The following VPS51 variants were observed in gnomAD, a reference collection of about 807,000 sequenced individuals.
VPS51 encodes the protein VPS51 subunit of GARP complex.
Under a neutral mutation model 65.1 loss-of-function variants are expected in VPS51, and 55 were observed. The observed-to-expected ratio is 0.84, with a 90% confidence interval of 0.68 to 1.06. The LOEUF (loss-of-function observed/expected upper bound fraction) is 1.06, where lower values mean the gene tolerates loss of function less well. Ranked by LOEUF, VPS51 falls within the 50% of genes least tolerant of loss-of-function variation. VPS51 has a pLI of 0.00. For missense variants in VPS51, 943 were observed against 1,101.6 expected, an observed-to-expected ratio of 0.86 and a Z score of 2.04; for synonymous variants, 473 against 489.5, an observed-to-expected ratio of 0.97 and a Z score of 0.44.
chr11:65,111,697 T>G lies in VPS51; in HGVS notation c.*110T>G. 3 of 1,418,592 alleles carry G rather than the reference T, an allele frequency of 2.1e-6. No homozygotes were observed. The highest frequency in any genetic ancestry group is 1.9e-6 in the Non-Finnish European group (2 of 1,078,032). The allele number at this position is 1,418,592 out of a possible 1,614,324, so 87.9% of individuals were successfully genotyped here. A position where few individuals can be genotyped will look rare whatever the true frequency, so the allele number is the denominator to read the frequency against. On this transcript the variant is annotated 3_prime_UTR_variant, in exon 10 of 10. Transcript: ENST00000279281. ...TGTCAGGACCGGCCTAATAAACATG[T>G]GTGGCCTCCTCCTCTCGCTTGCTGG... is the stretch of plus-strand genomic sequence containing the variant.
At chr11:65,096,512 AGG>A in intron 1 of VPS51, 34 bp downstream of exon 1, 1 of 440,866 alleles carries the variant, frequency 2.3e-6, no homozygotes, top group Non-Finnish European at 3.9e-6. Flanking sequence ...GGGTGCGGGG[AGG>A]GGGGAAGGGA....
At chr11:65,105,907 G>T (rs190225717) in intron 2 of VPS51, among the ~76,000 whole-genome samples, 8 of 152,230 alleles carry the variant, frequency 5.3e-5, no homozygotes, top group Non-Finnish European at 1.2e-4. Flanking sequence ...TGCATAGGGC[G>T]AGGTGTAGGA....
chr11:65,096,518 G>GGGGTGGGGGGGGGGGGGGGGGGGGGGC, intron 1 of VPS51, 40 bp downstream of exon 1: 2 of 499,402 alleles, frequency 4.0e-6, no homozygotes, highest in Non-Finnish European at 7.3e-6. Context: ...GGGGAGGGGG[G>GGGGTGGGGGGGGGGGGGGGGGGGGGGC]AAGGGAACCA....
intron 1 of VPS51, 44 bp from the exon 2 acceptor site, chr11:65,096,954 A>G (rs750588629): frequency 3.1e-6 from 5 of 1,609,420 alleles, no homozygotes; most frequent in African/African-American, 1.3e-5. Flanking sequence ...GCTGGGGGAC[A>G]TGAATGCCTC....
At chr11:65,109,088 A>T in intron 5 of VPS51, 174 bp downstream of exon 5, 3 of 1,028,538 alleles carry the variant, frequency 2.9e-6, no homozygotes, top group Non-Finnish European at 4.3e-6. Context: ...GCTGAGAAGC[A>T]GGGCATGGTG....
intron 2 of VPS51, among the ~76,000 whole-genome samples, chr11:65,100,457 T>C (rs1235136345): frequency 6.6e-6 from 1 of 151,072 alleles, no homozygotes; most frequent in Admixed American, 6.6e-5. Context: ...ATTTTACTCC[T>C]AGGAATATAC....
rs779929052 is a variant in VPS51, at chr11:65,109,924, GTGC to G, written c.1878+5_1878+7del. 1 of 1,593,530 alleles carries G rather than the reference GTGC, an allele frequency of 6.3e-7. No individual in the cohort carries two copies. The highest frequency in any genetic ancestry group is 8.5e-7 in the Non-Finnish European group (1 of 1,173,534). On this transcript the variant is annotated splice_donor_variant and splice_donor_region_variant and intron_variant, in intron 7 of 9. Coordinates refer to ENST00000279281, the MANE Select transcript of VPS51 (RefSeq NM_013265.4). LOFTEE classifies it high-confidence loss of function. ...GGATACCACCGCCATCGACGTGCAG[GTGC>G]TGCCCAGGCTGGCCGGGGTAGCCCT... is the stretch of plus-strand genomic sequence containing the variant.
chr11:65,104,866 A>G (rs1463256517), intron 2 of VPS51, among the ~76,000 whole-genome samples: 1 of 152,210 alleles, frequency 6.6e-6, no homozygotes, highest in Admixed American at 6.6e-5. Flanking sequence ...TCTGGGCCAG[A>G]TGCCTTTGTG....
At chr11:65,110,898 C>A (rs1407847233) in intron 9 of VPS51, 117 bp downstream of exon 9, 1 of 1,240,252 alleles carries the variant, frequency 8.1e-7, no homozygotes, top group East Asian at 2.3e-5. Flanking sequence ...TGACCCTGAC[C>A]CTCCAGTCTC....
intron 2 of VPS51, among the ~76,000 whole-genome samples, chr11:65,098,250 T>G (rs1345638266): frequency 6.6e-6 from 1 of 152,192 alleles, no homozygotes; most frequent in Non-Finnish European, 1.5e-5. Context: ...TTTCTCTTAT[T>G]ATTGATAGCT....
At position 65,109,841 on chromosome 11, in the gene VPS51, A is replaced by G. The variant is rs534032173; in HGVS notation, c.1796A>G (p.Asp599Gly). The change falls in exon 7 of 10, where the codon GAC (aspartate) becomes GGC (glycine). Residue 599 changes from aspartate to glycine, a missense_variant. Physicochemically the swap from Asp to Gly is moderately conservative, Grantham distance 94 (BLOSUM62 -1). Around this residue, in one of 2 missense-constraint regions of VPS51, gnomAD observed 855 missense variants for 953.7 expected, o/e 0.90. Coordinates refer to ENST00000279281, the MANE Select transcript of VPS51 (RefSeq NM_013265.4). ...QMLRKSVETR[D>G]WLSTLEPRNV... ...CTGCGCAAGAGCGTGGAGACTCGCG[A>G]CTGGCTCAGCACTCTGGAGCCCCGG... is the stretch of plus-strand genomic sequence containing the variant. 6.2e-7 allele frequency: 1 copy of G among 1,612,060 alleles called. No homozygotes were observed. Among genetic ancestry groups the G allele is most frequent in the East Asian group, 2.2e-5 (1 of 44,828 alleles).
Position 65,100,045 on chromosome 11 carries a change from G to T in VPS51, c.358+2918G>T, listed in dbSNP as rs188511839. On this transcript the variant is annotated intron_variant, in intron 2 of 9. Transcript: ENST00000279281. ...TTGAACCCAGGAGGCGGAGGTTGCA[G>T]TGAGTCGAGATCGCGCCACTGCACT... 7.6e-4 allele frequency among the ~76,000 whole-genome samples: 116 copies of T among 152,296 alleles called. 1 individual carries two copies. The highest frequency in any genetic ancestry group is 3.4e-3 in the Middle Eastern group (1 of 294).
chr11:65,096,794 T>C (rs992875251), intron 1 of VPS51: 31 of 789,162 alleles, frequency 3.9e-5, no homozygotes, highest in Middle Eastern at 3.7e-4. Context: ...TTTCAAATGC[T>C]GACAAACACC....
In VPS51 at chr11:65,107,555, C is replaced by T; in HGVS notation, c.359-26C>T. 1 of 1,560,834 alleles carries T rather than the reference C, an allele frequency of 6.4e-7. No homozygotes were observed. The highest frequency in any genetic ancestry group is 8.7e-7 in the Non-Finnish European group (1 of 1,145,910). On this transcript the variant is annotated intron_variant, in intron 2 of 9. Coordinates refer to ENST00000279281, the MANE Select transcript of VPS51 (RefSeq NM_013265.4). The surrounding 1 kb of genome is among the most constrained non-coding windows in gnomAD (Gnocchi z 4.0). ...CCCGCCCTGCAGTCACCTGCTCTCC[C>T]CTTTTCCCCGCCCCTGCCCTCCTAG...
At chr11:65,098,191 T>C (rs778246102) in intron 2 of VPS51, among the ~76,000 whole-genome samples, 7 of 151,686 alleles carry the variant, frequency 4.6e-5, no homozygotes, top group Middle Eastern at 6.3e-3. Context: ...AAAAAAAAAA[T>C]AATAAGAAGA....
intron 5 of VPS51, 128 bp downstream of exon 5, chr11:65,109,042 T>G: frequency 8.2e-7 from 1 of 1,225,534 alleles, no homozygotes; most frequent in Non-Finnish European, 1.2e-6. Flanking sequence ...ATGCACGGTC[T>G]GGGGGGTGGG....
intron 2 of VPS51, among the ~76,000 whole-genome samples, chr11:65,101,435 G>A (rs1197426420): frequency 6.6e-6 from 1 of 152,042 alleles, no homozygotes; most frequent in African/African-American, 2.4e-5. Flanking sequence ...TTTTCTCTAG[G>A]CAAAGACAAA....
Position 65,109,750 on chromosome 11 carries a change from A to C in VPS51, c.1705A>C (p.Arg569=), listed in dbSNP as rs1947876448. The C allele has an allele frequency of 1.3e-6, 2 of 1,595,686 alleles. No homozygotes were observed. The highest frequency in any genetic ancestry group is 2.7e-5 in the African/African-American group (2 of 74,774). Residue 569 remains arginine, a synonymous_variant, in exon 7 of 10, where the codon AGG becomes CGG. Transcript: ENST00000279281. ...CGTGAGCACGCTGTGTGCAGAGGCCAGGGAAACGGCGCGGCGGCTGCTGAC... is the reference window on the plus strand; with the variant it reads ...CGTGAGCACGCTGTGTGCAGAGGCCCGGGAAACGGCGCGGCGGCTGCTGAC... ...TPVSTLCAEA[R]ETARRLLTHY... is the part of the protein sequence containing the mutation.
rs1299151186 is a variant in VPS51 at position 65,107,681 on chromosome 11, C to T, written c.459C>T (p.Ile153=). Residue 153 remains isoleucine, a synonymous_variant, in exon 3 of 10, where the codon ATC becomes ATT. Transcript: ENST00000279281. This position sits in a 1 kb window ranked among gnomAD's most constrained non-coding sequence, Gnocchi z 4.0. Reference sequence around the variant, plus strand: ...TGATCACCGACTTCAGCGCTCGCATCAGCGCCACGCTGCAGGACCGCCACG... The same window carrying T: ...TGATCACCGACTTCAGCGCTCGCATTAGCGCCACGCTGCAGGACCGCCACG... ...MAVITDFSAR[I]SATLQDRHER... 5 of 1,610,134 alleles carry T rather than the reference C, an allele frequency of 3.1e-6. No individual in the cohort carries two copies. Among genetic ancestry groups the T allele is most frequent in the Non-Finnish European group, 4.2e-6 (5 of 1,177,612 alleles).
Sources: allele counts gnomAD v4.1 joint callset (sites outside exome capture counted in the v4.1 genomes callset), GRCh38; gene constraint gnomAD v4.1.1; regional missense constraint gnomAD v4.1.1; non-coding constraint Gnocchi (gnomAD v3.1); transcripts MANE v1.5; gene names NCBI Gene and HGNC (gene_info 2026-07-23, HGNC 2026-07-21).